The following GPC6 variants were observed in gnomAD, a reference collection of about 807,000 sequenced individuals.
The protein encoded by GPC6 is glypican-6.
In GPC6, 14 loss-of-function variants were observed where a neutral mutation model predicts 55.2. The ratio of observed to expected loss-of-function variants is 0.25; its 90% CI spans 0.17 to 0.40. The LOEUF (loss-of-function observed/expected upper bound fraction) is 0.40, where lower values mean the gene tolerates loss of function less well. Among genes scored for constraint, GPC6 ranks in the 10% least tolerant of loss-of-function variants. The pLI, the probability that GPC6 is intolerant of heterozygous loss-of-function variation, is 1.00. For synonymous variants in GPC6, 278 were observed against 259.6 expected (o/e 1.07, Z -0.68); for missense variants, 641 against 708.5 (o/e 0.90, Z 1.08).
chr13:93,808,665 A>T (rs1861290185), intron 2 of GPC6, among the ~76,000 whole-genome samples: 1 of 152,238 alleles, frequency 6.6e-6, no homozygotes, highest in Non-Finnish European at 1.5e-5. Context: ...CAGAACTCCT[A>T]TGGAAAGCAA....
intron 6 of GPC6, among the ~76,000 whole-genome samples, chr13:94,349,030 C>T (rs1467520050): frequency 6.6e-6 from 1 of 152,112 alleles, no homozygotes; most frequent in Non-Finnish European, 1.5e-5. Context: ...TACGATGGAC[C>T]AGGCACATAG....
At chr13:93,264,417 T>G (rs1392755211) in intron 1 of GPC6, among the ~76,000 whole-genome samples, 6 of 152,146 alleles carry the variant, frequency 3.9e-5, no homozygotes, top group African/African-American at 1.4e-4. Flanking sequence ...ATGAATTTAT[T>G]ATTATTTTTT....
intron 4 of GPC6, among the ~76,000 whole-genome samples, chr13:94,044,168 A>C (rs1883640497): frequency 6.6e-6 from 1 of 151,786 alleles, no homozygotes; most frequent in Non-Finnish European, 1.5e-5. Context: ...TTGCAGGTTG[A>C]TCAATCTCTT....
chr13:94,373,755 A>G (rs963407700), intron 6 of GPC6, among the ~76,000 whole-genome samples: 5 of 152,184 alleles, frequency 3.3e-5, no homozygotes, highest in Admixed American at 6.5e-5. Context: ...TTCAAGACAC[A>G]TAATTGTCAG....
intron 2 of GPC6, among the ~76,000 whole-genome samples, chr13:93,579,722 TTCAGAAGCAATTTTAAATTGTTTAGGAC>T (rs1417373255): frequency 6.6e-6 from 1 of 152,138 alleles, no homozygotes; most frequent in East Asian, 1.9e-4. Context: ...TCATATGATT[TTCAGAAGCAATTTTAAATTGTTTAGGAC>T]TCATAAGACG....
At chr13:93,653,501 G>A (rs758914300) in intron 2 of GPC6, among the ~76,000 whole-genome samples, 1 of 151,480 alleles carries the variant, frequency 6.6e-6, no homozygotes, top group Non-Finnish European at 1.5e-5. Flanking sequence ...CATAACATAA[G>A]CATTGTGTCA....
At chr13:94,057,374 G>T (rs534425711) in intron 4 of GPC6, among the ~76,000 whole-genome samples, 42 of 152,302 alleles carry the variant, frequency 2.8e-4, no homozygotes, top group African/African-American at 9.9e-4. Context: ...TTTATCTGAA[G>T]ATAATTATCC....
At chr13:93,591,295 C>T (rs1050656711) in intron 2 of GPC6, among the ~76,000 whole-genome samples, 2 of 151,974 alleles carry the variant, frequency 1.3e-5, no homozygotes, top group East Asian at 3.9e-4. Flanking sequence ...AACCCCGTCT[C>T]TACTAAAAAT....
chr13:93,216,882 C>A, the GPC6 span, among the ~76,000 whole-genome samples: 3 of 152,156 alleles, frequency 2.0e-5, no homozygotes, highest in South Asian at 6.2e-4. Flanking sequence ...AAAGGAGGTT[C>A]CATTTCTTAT....
Position 93,385,724 on chromosome 13 carries a change from C to A in GPC6, c.160+158108C>A, listed in dbSNP as rs567793092. Among the ~76,000 whole-genome samples, 12 of 152,236 alleles carry A rather than the reference C, an allele frequency of 7.9e-5. 1 individual carries two copies. The highest frequency in any genetic ancestry group is 6.2e-4 in the South Asian group (3 of 4,820). On this transcript the variant is annotated intron_variant, in intron 1 of 8. Coordinates refer to ENST00000377047, the MANE Select transcript of GPC6 (RefSeq NM_005708.5). ...GTTACAGGCTTCTAATGAATGCTTTCTCCCCAGATTTTGTTTCTAAGATTA... is the reference window on the plus strand; with the variant it reads ...GTTACAGGCTTCTAATGAATGCTTTATCCCCAGATTTTGTTTCTAAGATTA...
intron 4 of GPC6, among the ~76,000 whole-genome samples, chr13:94,105,781 G>A (rs1470815527): frequency 2.6e-5 from 4 of 152,184 alleles, no homozygotes; most frequent in African/African-American, 7.2e-5. Flanking sequence ...TTGGAATGGT[G>A]AATCTTTACC....
At chr13:93,561,393 A>G (rs975646822) in intron 2 of GPC6, among the ~76,000 whole-genome samples, 2 of 134,126 alleles carry the variant, frequency 1.5e-5, no homozygotes, top group Non-Finnish European at 3.2e-5. Context: ...ATTGCATACT[A>G]TATCCCTATC....
intron 1 of GPC6, among the ~76,000 whole-genome samples, chr13:93,375,257 T>C (rs1212117882): frequency 6.6e-6 from 1 of 152,136 alleles, no homozygotes; most frequent in East Asian, 1.9e-4. Flanking sequence ...TTAAGCAAGG[T>C]GAACCAGATG....
At chr13:94,134,740 A>T (rs763855437) in intron 4 of GPC6, among the ~76,000 whole-genome samples, 1 of 152,162 alleles carries the variant, frequency 6.6e-6, no homozygotes, top group Non-Finnish European at 1.5e-5. Context: ...GGGAATCTAT[A>T]TGCAGAATAT....
intron 1 of GPC6, among the ~76,000 whole-genome samples, chr13:93,491,838 C>G (rs1281274139): frequency 8.6e-6 from 1 of 116,296 alleles, no homozygotes; most frequent in Non-Finnish European, 1.9e-5. Flanking sequence ...TGTAGGTATG[C>G]GGCGTTATTT....
At chr13:94,144,024 A>G (rs1159668433) in intron 4 of GPC6, among the ~76,000 whole-genome samples, 1 of 152,200 alleles carries the variant, frequency 6.6e-6, no homozygotes, top group African/African-American at 2.4e-5. Flanking sequence ...GAAGTTGTTA[A>G]ACGTTTGATT....
intron 6 of GPC6, among the ~76,000 whole-genome samples, chr13:94,318,388 A>G (rs1485879130): frequency 6.6e-6 from 1 of 152,180 alleles, no homozygotes; most frequent in East Asian, 1.9e-4. Flanking sequence ...ATACATACCT[A>G]TGATAAAGTT....
chr13:93,900,300 T>C (rs1876274766), intron 3 of GPC6, among the ~76,000 whole-genome samples: 1 of 152,152 alleles, frequency 6.6e-6, no homozygotes, highest in African/African-American at 2.4e-5. Flanking sequence ...AAACATTCAG[T>C]TGGCCTCTTC....
chr13:93,546,126 A>G (rs1045875166), intron 2 of GPC6, among the ~76,000 whole-genome samples: 1 of 152,190 alleles, frequency 6.6e-6, no homozygotes, highest in Non-Finnish European at 1.5e-5. Context: ...TAAATTTAGT[A>G]TTTTTAGAAG....
Sources: gnomAD v4.1 joint callset for allele counts (sites outside exome capture counted in the v4.1 genomes callset) on GRCh38, gnomAD v4.1.1 for gene constraint, MANE v1.5 for transcripts, NCBI Gene and HGNC (gene_info 2026-07-23, HGNC 2026-07-21) for gene names.